The following WFDC10B variants were observed in gnomAD, a reference collection of about 807,000 sequenced individuals.
The protein encoded by WFDC10B is WAP four-disulfide core domain 10B, also known as protein WFDC10B.
A neutral mutation model predicts 2.7 loss-of-function variants in WFDC10B; 1 was observed. That is an observed-to-expected ratio of 0.38 (90% CI 0.13 to 1.79). WFDC10B has a LOEUF of 1.79. Ranked by LOEUF, WFDC10B falls within the 40% of genes most tolerant of loss-of-function variation. The pLI is 0.33. For synonymous variants in WFDC10B, 26 were observed against 32.2 expected, an observed-to-expected ratio of 0.81 and a Z score of 0.65; for missense variants, 71 against 87.8, an observed-to-expected ratio of 0.81 and a Z score of 0.76.
intron 3 of WFDC10B, 71 bp from the exon 4 acceptor site, chr20:45,685,031 C>T (rs1600950638): frequency 6.3e-7 from 1 of 1,592,926 alleles, no homozygotes; most frequent in East Asian, 2.3e-5. Flanking sequence ...CTTGAAGCTC[C>T]TCCATGGCCC....
At chr20:45,694,149 G>A (rs967605524) in intron 2 of WFDC10B, among the ~76,000 whole-genome samples, 2 of 152,180 alleles carry the variant, frequency 1.3e-5, no homozygotes, top group African/African-American at 4.8e-5. Flanking sequence ...GATGCCATTT[G>A]TCAATTTTTG....
intron 2 of WFDC10B, among the ~76,000 whole-genome samples, chr20:45,692,861 T>C (rs1372136874): frequency 1.3e-5 from 2 of 152,226 alleles, no homozygotes; most frequent in African/African-American, 2.4e-5. Flanking sequence ...CTTTGTTCCA[T>C]TGCTGGTGAG....
intron 2 of WFDC10B, among the ~76,000 whole-genome samples, chr20:45,701,242 T>C (rs1294390295): frequency 6.6e-6 from 1 of 152,166 alleles, no homozygotes; most frequent in Non-Finnish European, 1.5e-5. Context: ...GAGATTTAAA[T>C]GACAGGTTCT....
chr20:45,692,934 C>T lies in WFDC10B; in HGVS notation c.-64-6878G>A, dbSNP rs1983861569. Among the ~76,000 whole-genome samples, 4 of 152,088 alleles carry T rather than the reference C, an allele frequency of 2.6e-5. No individual in the cohort carries two copies. In the South Asian group the frequency reaches 8.3e-4, roughly 32 times the overall value. The stretch of plus-strand genomic sequence containing the variant: ...TTTCAGAGTTTCCAGTTTTTCTGCT[C>T]TGTTTTTTCCCCATCTTTGTGGTCT... On this transcript the variant is annotated intron_variant, in intron 2 of 3. Coordinates refer to ENST00000330523, the MANE Select transcript of WFDC10B (RefSeq NM_172006.2).
At chr20:45,697,160 G>A (rs1984001744) in intron 2 of WFDC10B, among the ~76,000 whole-genome samples, 1 of 152,004 alleles carries the variant, frequency 6.6e-6, no homozygotes, top group African/African-American at 2.4e-5. Flanking sequence ...ATCCAAATTG[G>A]GAAGAAAGTA....
intron 2 of WFDC10B, among the ~76,000 whole-genome samples, chr20:45,691,253 C>T (rs1983802960): frequency 1.3e-5 from 2 of 152,100 alleles, no homozygotes; most frequent in Admixed American, 1.3e-4. Flanking sequence ...GCTTTACCTC[C>T]AACTATGTGG....
At chr20:45,691,308 A>C (rs887878256) in intron 2 of WFDC10B, among the ~76,000 whole-genome samples, 19 of 152,066 alleles carry the variant, frequency 1.2e-4, no homozygotes, top group South Asian at 1.2e-3. Flanking sequence ...AAAAATGTAT[A>C]TTCTGTTGAT....
chr20:45,692,126 G>C (rs759452166), intron 2 of WFDC10B, among the ~76,000 whole-genome samples: 15 of 152,134 alleles, frequency 9.9e-5, no homozygotes, highest in Non-Finnish European at 1.5e-4. Flanking sequence ...GAAATTCTGG[G>C]TTGAAACTCT....
chr20:45,692,794 T>C (rs1391931043), intron 2 of WFDC10B, among the ~76,000 whole-genome samples: 1 of 152,078 alleles, frequency 6.6e-6, no homozygotes, highest in Non-Finnish European at 1.5e-5. Flanking sequence ...CTGTAGCTCG[T>C]AGTTTGATCG....
At chr20:45,685,591 T>A (rs1215205951) in intron 3 of WFDC10B, among the ~76,000 whole-genome samples, 1 of 152,248 alleles carries the variant, frequency 6.6e-6, no homozygotes, top group Non-Finnish European at 1.5e-5. Context: ...AATCAAAGAA[T>A]AATTGTCTTG....
intron 2 of WFDC10B, among the ~76,000 whole-genome samples, chr20:45,694,064 T>G (rs1241916748): frequency 1.3e-5 from 2 of 152,254 alleles, no homozygotes; most frequent in African/African-American, 2.4e-5. Context: ...GCAAACATTT[T>G]CTCCCATTTT....
intron 2 of WFDC10B, among the ~76,000 whole-genome samples, chr20:45,703,188 C>G (rs1057094430): frequency 6.6e-6 from 1 of 152,172 alleles, no homozygotes; most frequent in African/African-American, 2.4e-5. Flanking sequence ...TCTGAGATCT[C>G]TGGATCATGG....
chr20:45,693,481 C>T (rs944527484), intron 2 of WFDC10B, among the ~76,000 whole-genome samples: 4 of 152,212 alleles, frequency 2.6e-5, no homozygotes, highest in Non-Finnish European at 2.9e-5. Flanking sequence ...TGGGCTCCAC[C>T]CAGTTGGAGC....
chr20:45,689,200 ATC>A (rs1983727737), intron 2 of WFDC10B, among the ~76,000 whole-genome samples: 1 of 150,858 alleles, frequency 6.6e-6, no homozygotes, highest in Non-Finnish European at 1.5e-5. Context: ...ATTGATCTAT[ATC>A]TCTGTTTTGG....
At chr20:45,699,230 AG>A (rs920371387) in intron 2 of WFDC10B, among the ~76,000 whole-genome samples, 1 of 152,242 alleles carries the variant, frequency 6.6e-6, no homozygotes, top group Non-Finnish European at 1.5e-5. Flanking sequence ...TCCTCAAAAA[AG>A]TAAACATACA....
At chr20:45,687,063 T>C (rs1983643072) in intron 2 of WFDC10B, among the ~76,000 whole-genome samples, 1 of 152,194 alleles carries the variant, frequency 6.6e-6, no homozygotes, top group South Asian at 2.1e-4. Context: ...TGTGCAGGTT[T>C]GTTGCATGTG....
intron 2 of WFDC10B, among the ~76,000 whole-genome samples, chr20:45,687,176 G>T (rs1006485686): frequency 2.3e-4 from 35 of 152,054 alleles, no homozygotes; most frequent in African/African-American, 8.2e-4. Context: ...AGGCCCCAAG[G>T]TGTGTTGTTT....
intron 3 of WFDC10B, among the ~76,000 whole-genome samples, chr20:45,685,197 C>T (rs1005559140): frequency 2.6e-5 from 4 of 152,152 alleles, no homozygotes; most frequent in Admixed American, 2.6e-4. Flanking sequence ...GCTTCCTGGA[C>T]TCTCGCCATA....
chr20:45,699,593 A>G (rs1027329899), intron 2 of WFDC10B, among the ~76,000 whole-genome samples: 6 of 152,274 alleles, frequency 3.9e-5, no homozygotes, highest in Admixed American at 2.6e-4. Flanking sequence ...AAACGTGCAC[A>G]GTCACATTGT....
Sources: gnomAD v4.1 joint callset for allele counts (sites outside exome capture counted in the v4.1 genomes callset) on GRCh38, gnomAD v4.1.1 for gene constraint, MANE v1.5 for transcripts, NCBI Gene and HGNC (gene_info 2026-07-23, HGNC 2026-07-21) for gene names.